CCDC171: variants seen among roughly 807,000 people sequenced by gnomAD.
The protein encoded by CCDC171 is coiled-coil domain containing 171.
CCDC171 carries 177 observed loss-of-function variants against 168.2 expected under a neutral mutation model. The observed-to-expected ratio is 1.05, with a 90% CI of 0.93 to 1.19. The LOEUF is 1.19. Among genes scored for constraint, CCDC171 ranks in the 50% most tolerant of loss-of-function variants. CCDC171 has a pLI of 0.00. For synonymous variants in CCDC171, 687 were observed against 540.8 expected (o/e 1.27, Z -3.75); for missense variants, 1,991 against 1,539.0 (o/e 1.29, Z -4.91).
At chr9:15,956,897 T>G (rs1408458941) in intron 25 of CCDC171, among the ~76,000 whole-genome samples, 1 of 152,132 alleles carries the variant, frequency 6.6e-6, no homozygotes, top group Non-Finnish European at 1.5e-5. Context: ...AATACTATTA[T>G]TAATGATGTA....
At chr9:15,779,648 C>T (rs369708611) in intron 20 of CCDC171, among the ~76,000 whole-genome samples, 3 of 152,214 alleles carry the variant, frequency 2.0e-5, no homozygotes, top group Non-Finnish European at 2.9e-5. Context: ...GTGTGAGCCA[C>T]TGCACCTGGC....
intron 7 of CCDC171, among the ~76,000 whole-genome samples, chr9:15,649,341 A>G (rs993380830): frequency 1.3e-5 from 2 of 152,258 alleles, no homozygotes; most frequent in African/African-American, 4.8e-5. Context: ...GGCATGGGCA[A>G]GGACTTCATG....
chr9:15,726,876 G>A (rs2053841937), intron 14 of CCDC171, among the ~76,000 whole-genome samples: 1 of 151,934 alleles, frequency 6.6e-6, no homozygotes, highest in Non-Finnish European at 1.5e-5. Context: ...TATTCATTTT[G>A]CAGCTTTACA....
chr9:16,059,459 C>G (rs1833894671), intron 1 of CCDC171, among the ~76,000 whole-genome samples: 1 of 148,334 alleles, frequency 6.7e-6, no homozygotes, highest in African/African-American at 2.5e-5. Context: ...CCAGGGGACA[C>G]TGGGCTTTTT....
rs117505846 is a variant in CCDC171, at chr9:15,963,773, C to T, written c.3754-7836C>T. On this transcript the variant is annotated intron_variant, in intron 25 of 25. Coordinates refer to ENST00000380701, the MANE Select transcript of CCDC171 (RefSeq NM_173550.4). ...TGAGGCAGAGGCTGGCAGTGGTTTC[C>T]TGGCATCTGTTTTCTCTTTCTTAGT... is the stretch of plus-strand genomic sequence containing the variant. Among the ~76,000 whole-genome samples, 32 of 152,328 alleles carry T rather than the reference C, an allele frequency of 2.1e-4. No individual in the cohort carries two copies. The East Asian group carries it at 5.6e-3, about 27-fold the overall frequency.
At chr9:15,888,850 C>T (rs1819791545) in intron 24 of CCDC171, 1 of 151,674 alleles carries the variant, frequency 6.6e-6, no homozygotes, top group Admixed American at 6.6e-5. Context: ...TGTGGCAAAA[C>T]CTGAGAAATA....
rs183756127 is a variant in CCDC171 at position 15,967,464 on chromosome 9, T to C, written c.3754-4145T>C. 2.8e-3 allele frequency among the ~76,000 whole-genome samples: 428 copies of C among 152,224 alleles called. 6 individuals carry two copies. Among genetic ancestry groups the C allele is most frequent in the Non-Finnish European group, 1.1e-3 (72 of 67,912 alleles). ...TTAGAACAACGTGCAATGTGCAATA[T>C]GTATTCTTTCCCCTTAAGAATGGTC... On this transcript the variant is annotated intron_variant, in intron 25 of 25. Transcript: ENST00000380701.
intron 18 of CCDC171, among the ~76,000 whole-genome samples, chr9:15,754,008 G>T (rs1464250690): frequency 1.3e-5 from 2 of 152,038 alleles, no homozygotes; most frequent in Admixed American, 6.6e-5. Flanking sequence ...TTTTTCCAGG[G>T]TCATGTGTTT....
chr9:15,902,804 G>A lies in CCDC171; in HGVS notation c.3601-17466G>A, dbSNP rs150024554. ...CTAGTCAAAGAAAGGGGTGACGGAC[G>A]GCACCTGGAAAATTGGGTCACTCCC... On this transcript the variant is annotated intron_variant, in intron 24 of 25. Transcript: ENST00000380701. 6.3e-3 allele frequency among the ~76,000 whole-genome samples: 964 copies of A among 152,276 alleles called. 5 individuals carry two copies. Among genetic ancestry groups the A allele is most frequent in the Middle Eastern group, 0.01 (3 of 294 alleles).
intron 24 of CCDC171, among the ~76,000 whole-genome samples, chr9:15,883,484 A>G (rs971211879): frequency 9.2e-5 from 14 of 152,154 alleles, no homozygotes; most frequent in Non-Finnish European, 1.5e-4. Flanking sequence ...AAGGAGTTCT[A>G]TAAAGTTTTC....
intron 9 of CCDC171, among the ~76,000 whole-genome samples, chr9:15,673,609 G>C (rs1178785170): frequency 1.3e-5 from 2 of 152,194 alleles, no homozygotes; most frequent in African/African-American, 2.4e-5. Context: ...AGATAATCAT[G>C]TGATTTTTGT....
intron 21 of CCDC171, among the ~76,000 whole-genome samples, chr9:15,814,332 A>T (rs991292887): frequency 1.3e-5 from 2 of 152,146 alleles, no homozygotes; most frequent in Non-Finnish European, 2.9e-5. Context: ...TGTTTGTTTC[A>T]TCTGTTAAAA....
chr9:15,893,698 A>G (rs1820512749), intron 24 of CCDC171, among the ~76,000 whole-genome samples: 1 of 152,188 alleles, frequency 6.6e-6, no homozygotes, highest in African/African-American at 2.4e-5. Context: ...ATCACTGATG[A>G]TTAGAGAAAT....
intron 21 of CCDC171, among the ~76,000 whole-genome samples, chr9:15,787,221 T>C (rs2058010977): frequency 6.6e-6 from 1 of 152,160 alleles, no homozygotes; most frequent in African/African-American, 2.4e-5. Context: ...CACATACTTA[T>C]CATTTCTTTG....
chr9:15,828,403 A>G (rs2060102773), intron 21 of CCDC171, among the ~76,000 whole-genome samples: 1 of 151,916 alleles, frequency 6.6e-6, no homozygotes, highest in Non-Finnish European at 1.5e-5. Flanking sequence ...AGTAACATCC[A>G]GTGCCCATAC....
chr9:15,992,119 A>G (rs1000184116), intron 3 of CCDC171, among the ~76,000 whole-genome samples: 1 of 152,226 alleles, frequency 6.6e-6, no homozygotes, highest in East Asian at 1.9e-4. Flanking sequence ...TGGCAGAGAC[A>G]CAACAAAAAA....
chr9:15,885,484 T>A (rs1819271675), intron 24 of CCDC171: 1 of 152,206 alleles, frequency 6.6e-6, no homozygotes, highest in Non-Finnish European at 1.5e-5. Context: ...AACTTTCAAG[T>A]GCTATAACCA....
At chr9:15,607,182 A>G (rs2043290440) in intron 6 of CCDC171, among the ~76,000 whole-genome samples, 1 of 152,164 alleles carries the variant, frequency 6.6e-6, no homozygotes, top group Non-Finnish European at 1.5e-5. Flanking sequence ...TAACCCAGCA[A>G]TACCATTAAT....
intron 21 of CCDC171, among the ~76,000 whole-genome samples, chr9:15,827,581 T>C (rs2060066172): frequency 6.6e-6 from 1 of 152,220 alleles, no homozygotes; most frequent in Admixed American, 6.5e-5. Context: ...TATTCAAGTT[T>C]GAAAGTGTTT....
Sources: gnomAD v4.1 joint callset for allele counts (sites outside exome capture counted in the v4.1 genomes callset) on GRCh38, gnomAD v4.1.1 for gene constraint, MANE v1.5 for transcripts, NCBI Gene and HGNC (gene_info 2026-07-23, HGNC 2026-07-21) for gene names.